The following LDLRAD2 variants were observed in gnomAD, a reference collection of about 807,000 sequenced individuals.
LDLRAD2 encodes low density lipoprotein receptor class A domain containing 2, also known as low-density lipoprotein receptor class A domain-containing protein 2.
A neutral mutation model predicts 24.9 loss-of-function variants in LDLRAD2; 25 were observed. The observed-to-expected ratio is 1.00, with a 90% CI of 0.73 to 1.40. LDLRAD2 has a LOEUF of 1.40. Among genes scored for constraint, LDLRAD2 ranks in the 40% most tolerant of loss-of-function variants. The pLI is 0.00. For synonymous variants in LDLRAD2, 182 were observed against 166.7 expected, an observed-to-expected ratio of 1.09 and a Z score of -0.71; for missense variants, 391 against 366.2, an observed-to-expected ratio of 1.07 and a Z score of -0.55.
Position 21,820,392 on chromosome 1 carries a change from G to A in LDLRAD2, c.644-1058G>A, listed in dbSNP as rs911877929. ...CAAAAAATTAGCTGGGCGCAGTGGC[G>A]GGCACCTGTAGTCCCGGCTACTCGG... On this transcript the variant is annotated intron_variant, in intron 3 of 4. Transcript: ENST00000344642. Among the ~76,000 whole-genome samples the A allele has an allele frequency of 1.3e-4, 20 of 151,996 alleles. 1 individual carries two copies. The highest frequency in any genetic ancestry group is 2.6e-4 in the African/African-American group (11 of 41,524).
chr1:21,821,326 C>A (rs776676160), intron 3 of LDLRAD2, 124 bp from the exon 4 acceptor site: 123 of 1,295,812 alleles, frequency 9.5e-5, no homozygotes, highest in Non-Finnish European at 1.3e-4. Context: ...CAAGTGACAA[C>A]CTCTCTGTAA....
At chr1:21,820,688 T>C (rs974780848) in intron 3 of LDLRAD2, among the ~76,000 whole-genome samples, 2 of 152,366 alleles carry the variant, frequency 1.3e-5, no homozygotes, top group African/African-American at 2.4e-5. Flanking sequence ...ATATTTGTCA[T>C]GTGCTCATGG....
chr1:21,821,948 A>C, intron 4 of LDLRAD2: 1 of 1,421,564 alleles, frequency 7.0e-7, no homozygotes, highest in Non-Finnish European at 9.2e-7. Flanking sequence ...TTATAGGATC[A>C]GGGAGGCCAT....
At chr1:21,821,324 A>G in intron 3 of LDLRAD2, 126 bp from the exon 4 acceptor site, 1 of 1,279,814 alleles carries the variant, frequency 7.8e-7, no homozygotes, top group Non-Finnish European at 1.1e-6. Flanking sequence ...GGCAAGTGAC[A>G]ACCTCTCTGT....
chr1:21,813,125 T>C (rs1159729883), intron 1 of LDLRAD2, among the ~76,000 whole-genome samples: 1 of 152,096 alleles, frequency 6.6e-6, no homozygotes, highest in Non-Finnish European at 1.5e-5. Context: ...TGAAACCACA[T>C]CTCTACTAAA....
At chr1:21,814,035 T>A (rs1345601895) in intron 1 of LDLRAD2, among the ~76,000 whole-genome samples, 1 of 152,104 alleles carries the variant, frequency 6.6e-6, no homozygotes, top group African/African-American at 2.4e-5. Flanking sequence ...CATGCCCGGC[T>A]AATTTTTTGT....
At chr1:21,821,956 C>G in intron 4 of LDLRAD2, 1 of 1,422,048 alleles carries the variant, frequency 7.0e-7, no homozygotes, top group Non-Finnish European at 9.2e-7. Context: ...TCAGGGAGGC[C>G]ATCCCTAGAG....
intron 1 of LDLRAD2, 126 bp downstream of exon 1, chr1:21,812,662 G>T (rs1036545312): frequency 1.3e-6 from 1 of 765,878 alleles, no homozygotes; most frequent in African/African-American, 1.7e-5. Context: ...GGGAGGCTGG[G>T]AAACTGTGTC....
At chr1:21,813,374 C>T (rs758843360) in intron 1 of LDLRAD2, among the ~76,000 whole-genome samples, 1 of 152,172 alleles carries the variant, frequency 6.6e-6, no homozygotes, top group African/African-American at 2.4e-5. Flanking sequence ...TCAGGGTAGG[C>T]TCTGGCTTTA....
At position 21,823,112 on chromosome 1, in the gene LDLRAD2, C is replaced by T; in HGVS notation, c.*897C>T. 4.0e-6 allele frequency: 2 copies of T among 504,604 alleles called. No homozygotes were observed. The allele number at this position is 504,604 out of a possible 1,614,324, so 31.3% of individuals were successfully genotyped here. ...TCTGAGGTGCCCACTCCCATCCAAC[C>T]TGCCTTGCTGGCCAGCCTTGTGGCT... On this transcript the variant is annotated 3_prime_UTR_variant, in exon 5 of 5. Transcript: ENST00000344642.
chr1:21,813,995 C>T (rs572995659), intron 1 of LDLRAD2, among the ~76,000 whole-genome samples: 5 of 152,078 alleles, frequency 3.3e-5, no homozygotes, highest in South Asian at 2.1e-4. Context: ...CTCAGCCTCT[C>T]GATTAGTTGG....
intron 3 of LDLRAD2, 101 bp from the exon 4 acceptor site, chr1:21,821,349 G>A: frequency 6.8e-7 from 1 of 1,474,112 alleles, no homozygotes; most frequent in Non-Finnish European, 9.3e-7. Flanking sequence ...TGGAAACACA[G>A]AGTGACAAAC....
In LDLRAD2 at chr1:21,823,399, G is replaced by C; in HGVS notation, c.*1184G>C. ...GGCTGTGGGGGCGGGGCGCCGGGTC[G>C]GGCCGAGTGCAGCACCAGGTTCTTG... On this transcript the variant is annotated 3_prime_UTR_variant, in exon 5 of 5. Coordinates refer to ENST00000344642, the MANE Select transcript of LDLRAD2 (RefSeq NM_001013693.3). 6.4e-7 allele frequency: 1 copy of C among 1,567,264 alleles called. No individual in the cohort carries two copies. The highest frequency in any genetic ancestry group is 2.3e-5 in the East Asian group (1 of 42,880).
At chr1:21,812,713 T>C (rs1176540485) in intron 1 of LDLRAD2, among the ~76,000 whole-genome samples, 177 bp downstream of exon 1, 1 of 152,212 alleles carries the variant, frequency 6.6e-6, no homozygotes, top group Non-Finnish European at 1.5e-5. Flanking sequence ...CAAAGCCTTC[T>C]GGAAGGCTTG....
At chr1:21,816,175 G>A (rs1213005909) in intron 3 of LDLRAD2, 101 bp downstream of exon 3, 48 of 1,475,508 alleles carry the variant, frequency 3.3e-5, no homozygotes, top group Non-Finnish European at 4.3e-5. Context: ...AGGCAGGAGA[G>A]AGGAAAGCGG....
In LDLRAD2 at chr1:21,824,451, T is replaced by TA. The variant is rs1306114468; in HGVS notation, c.*2236_*2237insA. ...GCTGCCGAGGCCAGGGGGCTCTGCT[T>TA]TCCCCTCCCCCCACCACTCCGGCCA... is the stretch of plus-strand genomic sequence containing the variant. On this transcript the variant is annotated 3_prime_UTR_variant, in exon 5 of 5. Transcript: ENST00000344642. The surrounding 1 kb of genome is among the most constrained non-coding windows in gnomAD (Gnocchi z 5.9). 3.3e-5 allele frequency: 52 copies of TA among 1,599,440 alleles called. No individual in the cohort carries two copies. The African/African-American group carries it at 6.6e-4, about 20-fold the overall frequency.
In LDLRAD2 at chr1:21,824,076, C is replaced by G. The variant is rs376179947; in HGVS notation, c.*1861C>G. On this transcript the variant is annotated 3_prime_UTR_variant, in exon 5 of 5. Coordinates refer to ENST00000344642, the MANE Select transcript of LDLRAD2 (RefSeq NM_001013693.3). This position sits in a 1 kb window ranked among gnomAD's most constrained non-coding sequence, Gnocchi z 5.9. Reference sequence around the variant, plus strand: ...ATGGTAGGGGGCGTCCTGCCCCACTCCAGAACGCTGGGCCCCATCCCGAGT... The same window carrying G: ...ATGGTAGGGGGCGTCCTGCCCCACTGCAGAACGCTGGGCCCCATCCCGAGT... 17 of 1,554,112 alleles carry G rather than the reference C, an allele frequency of 1.1e-5. No individual in the cohort carries two copies. The highest frequency in any genetic ancestry group is 1.8e-5 in the Admixed American group (1 of 56,830).
In LDLRAD2 at chr1:21,823,319, C is replaced by G. The variant is rs779175945; in HGVS notation, c.*1104C>G. ...TCCGTGTGGGGCAGGCAGGTGCCTA[C>G]GAGGGGCAGGGGCGTGTGTTGGCCC... is the stretch of plus-strand genomic sequence containing the variant. On this transcript the variant is annotated 3_prime_UTR_variant, in exon 5 of 5. Transcript: ENST00000344642. 6.5e-7 allele frequency: 1 copy of G among 1,530,776 alleles called. No homozygotes were observed. The highest frequency in any genetic ancestry group is 2.0e-5 in the Admixed American group (1 of 50,152). The allele number at this position is 1,530,776 out of a possible 1,614,324, so 94.8% of individuals were successfully genotyped here. A position where few individuals can be genotyped will look rare whatever the true frequency, so the allele number is the denominator to read the frequency against.
rs573442517 is a variant in LDLRAD2, at chr1:21,819,473, C to CTTTATAAATTACCTTTATAAATTTATAAA, written c.644-1960_644-1932dup. Among the ~76,000 whole-genome samples, 136 of 151,844 alleles carry CTTTATAAATTACCTTTATAAATTTATAAA rather than the reference C, an allele frequency of 9.0e-4. 1 individual carries two copies. Among genetic ancestry groups the CTTTATAAATTACCTTTATAAATTTATAAA allele is most frequent in the African/African-American group, 2.5e-3 (103 of 41,398 alleles). On this transcript the variant is annotated intron_variant, in intron 3 of 4. Coordinates refer to ENST00000344642, the MANE Select transcript of LDLRAD2 (RefSeq NM_001013693.3). ...GAACTGAGACAATTAAACCTCTTTT[C>CTTTATAAATTACCTTTATAAATTTATAAA]TTTATAAATTACCTTTATAAATTTA...
Sources: allele counts gnomAD v4.1 joint callset (sites outside exome capture counted in the v4.1 genomes callset), GRCh38; gene constraint gnomAD v4.1.1; non-coding constraint Gnocchi (gnomAD v3.1); transcripts MANE v1.5; gene names NCBI Gene and HGNC (gene_info 2026-07-23, HGNC 2026-07-21).